Variants in PBX1 observed in about 807,000 individuals in gnomAD.
PBX1 encodes PBX homeobox 1, also known as pre-B-cell leukemia transcription factor 1.
A neutral mutation model predicts 53.4 loss-of-function variants in PBX1; 6 were observed. The ratio of observed to expected loss-of-function variants is 0.11; its 90% CI spans 0.06 to 0.22. The LOEUF is 0.22. PBX1 is among the 10% of genes least tolerant of loss of function. PBX1 has a pLI of 1.00. For synonymous variants in PBX1, 204 were observed against 212.3 expected (o/e 0.96, Z 0.34); for missense variants, 251 against 551.4 (o/e 0.46, Z 5.46).
At chr1:164,766,804 G>T (rs1667081924) in intron 2 of PBX1, among the ~76,000 whole-genome samples, 1 of 148,554 alleles carries the variant, frequency 6.7e-6, no homozygotes, top group South Asian at 2.1e-4. Context: ...TGTGATCACT[G>T]CAACCTTTGC....
chr1:164,638,324 C>T (rs949247414), intron 2 of PBX1, among the ~76,000 whole-genome samples: 1 of 152,178 alleles, frequency 6.6e-6, no homozygotes, highest in African/African-American at 2.4e-5. Flanking sequence ...CATTATGAAC[C>T]AGGGTGGAAA....
At chr1:164,837,735 T>G (rs1444648738) in intron 8 of PBX1, among the ~76,000 whole-genome samples, 1 of 152,226 alleles carries the variant, frequency 6.6e-6, no homozygotes, top group East Asian at 1.9e-4. Flanking sequence ...AAATCAAACT[T>G]GAAGCTTTAG....
chr1:164,689,082 G>A (rs75575598), intron 2 of PBX1, among the ~76,000 whole-genome samples: 2 of 152,298 alleles, frequency 1.3e-5, no homozygotes, highest in African/African-American at 4.8e-5. Context: ...ATTGGGACTC[G>A]CCAAAGTGTT....
chr1:164,609,158 C>CT (rs927559725), intron 2 of PBX1, among the ~76,000 whole-genome samples: 16 of 151,126 alleles, frequency 1.1e-4, no homozygotes, highest in Admixed American at 3.3e-4. Flanking sequence ...CTTTTCTTTT[C>CT]TTTTTTTTTA....
At chr1:164,591,774 GA>G (rs561019060) in intron 2 of PBX1, among the ~76,000 whole-genome samples, 215 of 152,300 alleles carry the variant, frequency 1.4e-3, no homozygotes, top group Non-Finnish European at 2.9e-3. Flanking sequence ...TACAAGTAGA[GA>G]AATGGAGAGA....
chr1:164,742,487 A>C (rs1043352370), intron 2 of PBX1, among the ~76,000 whole-genome samples: 3 of 152,228 alleles, frequency 2.0e-5, no homozygotes, highest in African/African-American at 7.2e-5. Context: ...GGTTGCAGTG[A>C]GCCAAAATCA....
chr1:164,777,644 C>A (rs1667736102), intron 2 of PBX1, among the ~76,000 whole-genome samples: 1 of 152,200 alleles, frequency 6.6e-6, no homozygotes, highest in African/African-American at 2.4e-5. Context: ...GCTTTTTATT[C>A]TGTTCATAAT....
intron 6 of PBX1, chr1:164,818,825 C>T (rs936371346): frequency 3.3e-5 from 5 of 151,990 alleles, no homozygotes; most frequent in Admixed American, 6.6e-5. Context: ...AAAAAGTCCT[C>T]TCTTCTGCTT....
chr1:164,675,975 G>C lies in PBX1; in HGVS notation c.265+112664G>C, dbSNP rs115581925. On this transcript the variant is annotated intron_variant, in intron 2 of 8. Transcript: ENST00000420696. ...TTCTCACTAGGACCTCTCCCATCATGCCTTGCTGTTAGGGCTATGCCCTTT... is the reference window on the plus strand; with the variant it reads ...TTCTCACTAGGACCTCTCCCATCATCCCTTGCTGTTAGGGCTATGCCCTTT... Among the ~76,000 whole-genome samples the C allele has an allele frequency of 2.5e-3, 376 of 152,270 alleles. 5 individuals are homozygous for C. The highest frequency in any genetic ancestry group is 8.5e-3 in the African/African-American group (353 of 41,556).
chr1:164,867,708 G>A (rs2102449673), intron 2 of PBX1, among the ~76,000 whole-genome samples: 1 of 152,342 alleles, frequency 6.6e-6, no homozygotes, highest in Non-Finnish European at 1.5e-5. Flanking sequence ...CGCGGGAGGA[G>A]TCAGATGAGG....
chr1:164,707,463 T>C (rs1663503973), intron 2 of PBX1, among the ~76,000 whole-genome samples: 1 of 140,246 alleles, frequency 7.1e-6, no homozygotes, highest in African/African-American at 3.1e-5. Context: ...GAGAAAGTGC[T>C]GAATCCCCTG....
intron 8 of PBX1, among the ~76,000 whole-genome samples, chr1:164,826,859 C>A (rs981581236): frequency 6.6e-6 from 1 of 151,782 alleles, no homozygotes; most frequent in Non-Finnish European, 1.5e-5. Context: ...GGTAACATGC[C>A]GTTAACATCA....
intron 2 of PBX1, chr1:164,680,287 T>A (rs1661684691): frequency 6.6e-6 from 1 of 152,234 alleles, no homozygotes; most frequent in Admixed American, 6.5e-5. Flanking sequence ...TTTTAAAAAA[T>A]TTTAAGCAAA....
chr1:164,869,668 A>T lies in PBX1; in HGVS notation n.258-29520A>T, dbSNP rs573880102. On this transcript the variant is annotated intron_variant and non_coding_transcript_variant, in intron 2 of 2. Transcript: ENST00000558796. ...CGTTAGAGGAAAGGACATAAACAAG[A>T]TAAATAGATAAAATGTGTAGAATAT... Among the ~76,000 whole-genome samples, 7 of 152,358 alleles carry T rather than the reference A, an allele frequency of 4.6e-5. No individual in the cohort carries two copies. In the South Asian group the frequency reaches 1.4e-3, roughly 32 times the overall value.
Position 164,759,231 on chromosome 1 carries a change from G to T in PBX1, c.266-33263G>T, listed in dbSNP as rs149608770. 4.6e-5 allele frequency among the ~76,000 whole-genome samples: 7 copies of T among 152,316 alleles called. No individual in the cohort carries two copies. In the East Asian group the frequency reaches 1.4e-3, roughly 29 times the overall value. ...AATCTTTTTGCAGGTGAGGGTGGAA[G>T]GTGGGTGAAGAAACCAATATACAGG... On this transcript the variant is annotated intron_variant, in intron 2 of 8. Transcript: ENST00000420696.
At chr1:164,792,888 G>C (rs1668590784) in intron 3 of PBX1, 150 bp downstream of exon 3, 2 of 643,168 alleles carry the variant, frequency 3.1e-6, no homozygotes, top group South Asian at 4.1e-5. Context: ...ACAGAGCCCT[G>C]GCCAAACTTG....
chr1:164,760,683 A>C (rs1273482859), intron 2 of PBX1, among the ~76,000 whole-genome samples: 1 of 152,164 alleles, frequency 6.6e-6, no homozygotes, highest in Non-Finnish European at 1.5e-5. Context: ...AGTAATTTGA[A>C]TATTTCATTC....
chr1:164,855,802 A>C (rs115578486), downstream of PBX1, among the ~76,000 whole-genome samples: 1 of 152,320 alleles, frequency 6.6e-6, no homozygotes, highest in Non-Finnish European at 1.5e-5. Flanking sequence ...TGCTTCCTAT[A>C]TCCTGAGGGA....
chr1:164,624,526 C>T (rs1394446609), intron 2 of PBX1, among the ~76,000 whole-genome samples: 4 of 152,160 alleles, frequency 2.6e-5, no homozygotes, highest in African/African-American at 7.2e-5. Context: ...TTGTGGGCCA[C>T]GGACCCTGAG....
Sources: allele counts gnomAD v4.1 joint callset (sites outside exome capture counted in the v4.1 genomes callset), GRCh38; gene constraint gnomAD v4.1.1; transcripts MANE v1.5; gene names NCBI Gene and HGNC (gene_info 2026-07-23, HGNC 2026-07-21).